The following STK32B variants were observed in gnomAD, a reference collection of about 807,000 sequenced individuals.
The protein encoded by STK32B is serine/threonine-protein kinase 32B.
In STK32B, 43 loss-of-function variants were observed where a neutral mutation model predicts 52.6. The ratio of observed to expected loss-of-function variants is 0.82; its 90% CI spans 0.64 to 1.05. The LOEUF is 1.05. Ranked by LOEUF, STK32B falls within the 50% of genes least tolerant of loss-of-function variation. The pLI, the probability that STK32B is intolerant of heterozygous loss-of-function variation, is 0.00. For missense variants in STK32B, 621 were observed against 534.6 expected (o/e 1.16, Z -1.59); for synonymous variants, 238 against 204.3 (o/e 1.17, Z -1.41).
chr4:5,348,941 C>A (rs1275403580), intron 4 of STK32B, among the ~76,000 whole-genome samples: 1 of 152,192 alleles, frequency 6.6e-6, no homozygotes, highest in African/African-American at 2.4e-5. Flanking sequence ...ACTACCATCA[C>A]AGCAGGTACC....
intron 3 of STK32B, among the ~76,000 whole-genome samples, chr4:5,270,594 A>G (rs147306860): frequency 2.1e-3 from 320 of 152,310 alleles, no homozygotes; most frequent in African/African-American, 7.4e-3. Flanking sequence ...AAAACTACAG[A>G]TATCATGATA....
At chr4:5,401,221 T>G (rs1198231925) in intron 5 of STK32B, among the ~76,000 whole-genome samples, 3 of 152,186 alleles carry the variant, frequency 2.0e-5, no homozygotes, top group African/African-American at 7.2e-5. Flanking sequence ...ACAGTATGTG[T>G]TCCTAAATGA....
the STK32B span, among the ~76,000 whole-genome samples, chr4:5,033,430 C>G: frequency 2.0e-5 from 3 of 152,170 alleles, no homozygotes; most frequent in Non-Finnish European, 4.4e-5. Context: ...CAGGAAGCCC[C>G]GTAGCCAACA....
At chr4:5,440,078 G>A (rs1178388861) in intron 6 of STK32B, among the ~76,000 whole-genome samples, 11 of 151,718 alleles carry the variant, frequency 7.3e-5, no homozygotes, top group Non-Finnish European at 1.6e-4. Context: ...GATTGACTTG[G>A]CGATGCGGGC....
chr4:5,453,478 C>T lies in STK32B; in HGVS notation c.667-3329C>T, dbSNP rs1275638849. Among the ~76,000 whole-genome samples, 3 of 152,110 alleles carry T rather than the reference C, an allele frequency of 2.0e-5. No individual in the cohort carries two copies. Among genetic ancestry groups the T allele is most frequent in the Admixed American group, 6.5e-5 (1 of 15,278 alleles). ...TCATCTCCCAGCCTCAGTTTCCTGA[C>T]GTTTGAAATGAGGGATGAAGTGCCC... On this transcript the variant is annotated intron_variant, in intron 7 of 11. Transcript: ENST00000282908. The surrounding 1 kb of genome is among the most constrained non-coding windows in gnomAD (Gnocchi z 4.0).
the STK32B span, among the ~76,000 whole-genome samples, chr4:5,036,914 C>T: frequency 6.6e-6 from 1 of 152,004 alleles, no homozygotes; most frequent in African/African-American, 2.4e-5. Flanking sequence ...GATCTGCCCA[C>T]CTCGGCCTCC....
intron 3 of STK32B, among the ~76,000 whole-genome samples, chr4:5,262,753 A>C (rs1237007187): frequency 2.6e-5 from 4 of 152,186 alleles, no homozygotes; most frequent in African/African-American, 9.7e-5. Flanking sequence ...CATATTAAAT[A>C]CATAGAGAGG....
At chr4:5,350,544 C>G (rs1733758916) in intron 4 of STK32B, among the ~76,000 whole-genome samples, 1 of 151,752 alleles carries the variant, frequency 6.6e-6, no homozygotes, top group African/African-American at 2.4e-5. Context: ...GAGAATACCA[C>G]CAAAACGCAA....
intron 4 of STK32B, among the ~76,000 whole-genome samples, chr4:5,392,201 G>A (rs529183599): frequency 3.3e-5 from 5 of 152,308 alleles, no homozygotes; most frequent in East Asian, 1.9e-4. Flanking sequence ...TTGGGAGGCC[G>A]AGGCGGGTGG....
intron 4 of STK32B, among the ~76,000 whole-genome samples, chr4:5,361,180 T>C (rs956417979): frequency 1.3e-5 from 2 of 152,230 alleles, no homozygotes; most frequent in African/African-American, 4.8e-5. Context: ...TGATATTGCA[T>C]TGTATGGTTG....
chr4:5,335,076 G>T (rs1341938979), intron 4 of STK32B, among the ~76,000 whole-genome samples: 11 of 152,114 alleles, frequency 7.2e-5, no homozygotes, highest in Non-Finnish European at 1.6e-4. Context: ...TTGTACCTCT[G>T]GTAGAATTCG....
At chr4:5,325,279 T>A (rs1344392247) in intron 3 of STK32B, among the ~76,000 whole-genome samples, 5 of 152,054 alleles carry the variant, frequency 3.3e-5, no homozygotes, top group African/African-American at 1.2e-4. Context: ...GGAAGAAATT[T>A]CCCACTGATT....
chr4:5,393,707 C>T (rs191432189), intron 4 of STK32B, among the ~76,000 whole-genome samples: 1 of 152,230 alleles, frequency 6.6e-6, no homozygotes, highest in East Asian at 1.9e-4. Flanking sequence ...GAAACCACCC[C>T]CATGATCCAA....
intron 11 of STK32B, 148 bp from the exon 12 acceptor site, chr4:5,498,797 C>A: frequency 8.2e-7 from 1 of 1,219,672 alleles, no homozygotes; most frequent in Non-Finnish European, 1.1e-6. Flanking sequence ...GTGCACAGCA[C>A]CGTGGATGCC....
chr4:5,362,664 G>C (rs77435262), intron 4 of STK32B, among the ~76,000 whole-genome samples: 2,019 of 152,154 alleles, frequency 0.013, 40 homozygotes, highest in African/African-American at 0.045. Flanking sequence ...CGGAGGCAGG[G>C]GCTGTTTGAT....
In STK32B at chr4:5,051,792, C is replaced by G; in HGVS notation, c.-72C>G. On this transcript the variant is annotated 5_prime_UTR_variant, in exon 1 of 12. Coordinates refer to ENST00000282908, the MANE Select transcript of STK32B (RefSeq NM_018401.3). ...GGCGCGCCCCCGGCATCCCGCATCTCTGCGCGCGTCCCACATCCCGCATCC... is the reference window on the plus strand; with the variant it reads ...GGCGCGCCCCCGGCATCCCGCATCTGTGCGCGCGTCCCACATCCCGCATCC... 2 of 1,548,286 alleles carry G rather than the reference C, an allele frequency of 1.3e-6. No individual in the cohort carries two copies. Among genetic ancestry groups the G allele is most frequent in the Non-Finnish European group, 1.7e-6 (2 of 1,145,652 alleles).
chr4:5,072,616 T>C (rs1012280856), intron 1 of STK32B, among the ~76,000 whole-genome samples: 1 of 152,160 alleles, frequency 6.6e-6, no homozygotes, highest in Non-Finnish European at 1.5e-5. Context: ...TTCTGTTTAT[T>C]TGCAATCATT....
rs944090976 is a variant in STK32B at position 5,138,388 on chromosome 4, AT to A, written c.53-1506del. On this transcript the variant is annotated intron_variant, in intron 1 of 11. Coordinates refer to ENST00000282908, the MANE Select transcript of STK32B (RefSeq NM_018401.3). ...TGTGGTGAACTAATCAATTCACTTC[AT>A]TTTTTTTTTTGTAAATAACATATCT... 3.3e-3 allele frequency among the ~76,000 whole-genome samples: 488 copies of A among 147,644 alleles called. 1 individual carries two copies. The highest frequency in any genetic ancestry group is 5.0e-3 in the African/African-American group (201 of 40,476).
chr4:5,161,647 A>G (rs1242676358), intron 2 of STK32B, among the ~76,000 whole-genome samples: 1 of 152,168 alleles, frequency 6.6e-6, no homozygotes, highest in East Asian at 1.9e-4. Context: ...GTAAGTGTGT[A>G]TAGAACGGAT....
Sources: gnomAD v4.1 joint callset for allele counts (sites outside exome capture counted in the v4.1 genomes callset) on GRCh38, gnomAD v4.1.1 for gene constraint, Gnocchi (gnomAD v3.1) non-coding constraint, MANE v1.5 for transcripts, NCBI Gene and HGNC (gene_info 2026-07-23, HGNC 2026-07-21) for gene names.